Variants in ISX observed in about 807,000 individuals in gnomAD.
ISX encodes the protein intestine specific homeobox.
In ISX, 15 loss-of-function variants were observed where a neutral mutation model predicts 16.9. The ratio of observed to expected loss-of-function variants is 0.89; its 90% CI spans 0.59 to 1.36. The LOEUF (loss-of-function observed/expected upper bound fraction) is 1.36, where lower values mean the gene tolerates loss of function less well. Among genes scored for constraint, ISX ranks in the 40% most tolerant of loss-of-function variants. The pLI is 0.00. For synonymous variants in ISX, 125 were observed against 119.7 expected, an observed-to-expected ratio of 1.04 and a Z score of -0.29; for missense variants, 316 against 306.1, an observed-to-expected ratio of 1.03 and a Z score of -0.24.
chr22:35,082,531 C>T lies in ISX; in HGVS notation c.243C>T (p.Ser81=). The T allele has an allele frequency of 6.2e-7, 1 of 1,614,054 alleles. No individual in the cohort carries two copies. Among genetic ancestry groups the T allele is most frequent in the South Asian group, 1.1e-5 (1 of 91,070 alleles). The change falls in exon 3 of 5, where the codon AGC becomes AGT. Residue 81 remains serine, a synonymous_variant. Transcript: ENST00000404699. The stretch of plus-strand genomic sequence containing the variant: ...TCTCCCATGCAGAAGGAAGGAAGAG[C>T]AAGCGGAGGGTTCGTACCACCTTCA... ...PKDQPQEGRK[S]KRRVRTTFTT...
chr22:35,082,297 C>T (rs1929138401), intron 2 of ISX, among the ~76,000 whole-genome samples: 1 of 152,220 alleles, frequency 6.6e-6, no homozygotes, highest in African/African-American at 2.4e-5. Flanking sequence ...AGAAGATTTT[C>T]TAGATGGTTA....
intron 3 of ISX, among the ~76,000 whole-genome samples, chr22:35,083,569 A>T (rs1273460673): frequency 6.6e-6 from 1 of 152,206 alleles, no homozygotes; most frequent in Admixed American, 6.5e-5. Flanking sequence ...ACCAGATCTC[A>T]CTGTGGCACC....
rs1929278092 is a variant in ISX at position 35,087,283 on chromosome 22, G to A, written c.*1590G>A. The A allele has an allele frequency of 6.6e-6, 1 of 152,240 alleles. No homozygotes were observed. The highest frequency in any genetic ancestry group is 2.1e-4 in the South Asian group (1 of 4,826). The allele number at this position is 152,240 out of a possible 1,614,324, so 9.4% of individuals were successfully genotyped here. A position where few individuals can be genotyped will look rare whatever the true frequency, so the allele number is the denominator to read the frequency against. On this transcript the variant is annotated 3_prime_UTR_variant, in exon 5 of 5. Transcript: ENST00000404699. ...AGGCTAGAGGCTGAGGGAGGAAAGA[G>A]CAGTTAACAAACAAAGGCAGTAGCT...
At chr22:35,080,833 G>T (rs1260723708) in intron 2 of ISX, among the ~76,000 whole-genome samples, 3 of 152,210 alleles carry the variant, frequency 2.0e-5, no homozygotes, top group Non-Finnish European at 4.4e-5. Context: ...CAGGAAAGAG[G>T]CACTTCTGGA....
Position 35,082,537 on chromosome 22 carries a change from G to A in ISX, c.249G>A (p.Arg83=). 3 of 1,614,098 alleles carry A rather than the reference G, an allele frequency of 1.9e-6. No homozygotes were observed. The East Asian group carries it at 6.7e-5, about 36-fold the overall frequency. The part of the protein sequence containing the change: ...DQPQEGRKSK[R]RVRTTFTTEQ... The stretch of plus-strand genomic sequence containing the variant: ...ATGCAGAAGGAAGGAAGAGCAAGCG[G>A]AGGGTTCGTACCACCTTCACCACTG... The change falls in exon 3 of 5, where the codon CGG becomes CGA. Residue 83 remains arginine (R), a synonymous_variant. Transcript: ENST00000404699.
In ISX at chr22:35,085,782, T is replaced by A; in HGVS notation, c.*89T>A. 6.4e-7 allele frequency: 1 copy of A among 1,562,748 alleles called. No individual in the cohort carries two copies. Among genetic ancestry groups the A allele is most frequent in the Non-Finnish European group, 8.8e-7 (1 of 1,141,798 alleles). ...TGCCCTGGGCCTCTGGGGAAATCGA[T>A]TTCACAATCCAAAAATGGCCCACAG... is the stretch of plus-strand genomic sequence containing the variant. On this transcript the variant is annotated 3_prime_UTR_variant, in exon 5 of 5. Coordinates refer to ENST00000404699, the MANE Select transcript of ISX (RefSeq NM_001303508.2).
At chr22:35,068,421 G>A (rs551224268) in intron 2 of ISX, among the ~76,000 whole-genome samples, 1 of 152,310 alleles carries the variant, frequency 6.6e-6, no homozygotes, top group South Asian at 2.1e-4. Context: ...GTGTCTGCAG[G>A]CAGGAAGGAG....
chr22:35,072,484 G>T (rs2146288762), intron 2 of ISX, among the ~76,000 whole-genome samples: 1 of 152,304 alleles, frequency 6.6e-6, no homozygotes, highest in South Asian at 2.1e-4. Context: ...ATACTCCCTA[G>T]AATTATCCAA....
At chr22:35,083,654 T>C (rs547727971) in intron 3 of ISX, among the ~76,000 whole-genome samples, 1 of 152,376 alleles carries the variant, frequency 6.6e-6, no homozygotes, top group South Asian at 2.1e-4. Context: ...GGACTCATTC[T>C]AATTCAAAAT....
At chr22:35,077,032 TG>T (rs1929000206) in intron 2 of ISX, among the ~76,000 whole-genome samples, 1 of 152,190 alleles carries the variant, frequency 6.6e-6, no homozygotes, top group Non-Finnish European at 1.5e-5. Flanking sequence ...GATGCTGGGC[TG>T]GATGGGAACC....
At chr22:35,071,390 A>C (rs1364464790) in intron 2 of ISX, among the ~76,000 whole-genome samples, 1 of 152,242 alleles carries the variant, frequency 6.6e-6, no homozygotes. Flanking sequence ...GTATTGGCAG[A>C]GATAGCTCCT....
intron 2 of ISX, among the ~76,000 whole-genome samples, chr22:35,070,529 C>A (rs1354013529): frequency 6.6e-6 from 1 of 152,224 alleles, no homozygotes; most frequent in East Asian, 1.9e-4. Context: ...AGACAGACCA[C>A]CCCAGTGGGT....
chr22:35,073,884 G>T (rs1421001412), intron 2 of ISX, among the ~76,000 whole-genome samples: 1 of 152,174 alleles, frequency 6.6e-6, no homozygotes, highest in Admixed American at 6.5e-5. Flanking sequence ...TCAAATTTTC[G>T]ACAGGAAAGT....
At chr22:35,081,618 G>C (rs1297582742) in intron 2 of ISX, among the ~76,000 whole-genome samples, 5 of 152,232 alleles carry the variant, frequency 3.3e-5, no homozygotes, top group African/African-American at 1.2e-4. Flanking sequence ...GTGGGGAAGG[G>C]AACTGGGCAG....
At chr22:35,079,535 G>A (rs1450174951) in intron 2 of ISX, among the ~76,000 whole-genome samples, 2 of 152,132 alleles carry the variant, frequency 1.3e-5, no homozygotes, top group African/African-American at 2.4e-5. Context: ...CCCTCCAGGG[G>A]CTCACAGCCT....
intron 4 of ISX, 123 bp from the exon 5 acceptor site, chr22:35,085,331 G>A: frequency 8.1e-7 from 1 of 1,240,416 alleles, no homozygotes; most frequent in Non-Finnish European, 1.2e-6. Flanking sequence ...AAGGTCCTGA[G>A]CAAACCAGAA....
intron 2 of ISX, among the ~76,000 whole-genome samples, chr22:35,079,311 G>A (rs532677035): frequency 3.3e-5 from 5 of 152,298 alleles, no homozygotes; most frequent in Admixed American, 6.5e-5. Flanking sequence ...TTCAGCTCAC[G>A]TCAGTCATCC....
chr22:35,070,186 C>G (rs953142789), intron 2 of ISX, among the ~76,000 whole-genome samples: 2 of 152,200 alleles, frequency 1.3e-5, no homozygotes, highest in African/African-American at 4.8e-5. Context: ...CAAGGTCCCC[C>G]CTGACATCTT....
At position 35,087,274 on chromosome 22, in the gene ISX, G is replaced by A. The variant is rs1383073970; in HGVS notation, c.*1581G>A. On this transcript the variant is annotated 3_prime_UTR_variant, in exon 5 of 5. Coordinates refer to ENST00000404699, the MANE Select transcript of ISX (RefSeq NM_001303508.2). The stretch of plus-strand genomic sequence containing the variant: ...GAAAGGAGAAGGCTAGAGGCTGAGG[G>A]AGGAAAGAGCAGTTAACAAACAAAG... The A allele has an allele frequency of 6.6e-6, 1 of 152,272 alleles. No individual in the cohort carries two copies. Among genetic ancestry groups the A allele is most frequent in the Non-Finnish European group, 1.5e-5 (1 of 68,070 alleles). The allele number at this position is 152,272 out of a possible 1,614,324, so 9.4% of individuals were successfully genotyped here.
Sources: gnomAD v4.1 joint callset for allele counts (sites outside exome capture counted in the v4.1 genomes callset) on GRCh38, gnomAD v4.1.1 for gene constraint, MANE v1.5 for transcripts, NCBI Gene and HGNC (gene_info 2026-07-23, HGNC 2026-07-21) for gene names.